Variants in OTOF observed in about 807,000 individuals in gnomAD.
OTOF encodes the protein fer-1-like family member 2.
In OTOF, 218 loss-of-function variants were observed where a neutral mutation model predicts 236.8. The ratio of observed to expected loss-of-function variants is 0.92; its 90% CI spans 0.82 to 1.03. The LOEUF is 1.03. OTOF is among the 50% of genes least tolerant of loss of function. The probability of loss-of-function intolerance (pLI) is 0.00; values close to 1 mark genes in which losing one functional copy is unlikely to be tolerated. For synonymous variants in OTOF, 1,041 were observed against 1,072.5 expected, an observed-to-expected ratio of 0.97 and a Z score of 0.57; for missense variants, 2,590 against 2,694.4, an observed-to-expected ratio of 0.96 and a Z score of 0.86.
chr2:26,487,697 G>A (rs139119709), intron 11 of OTOF, among the ~76,000 whole-genome samples: 2 of 152,114 alleles, frequency 1.3e-5, no homozygotes, highest in East Asian at 1.9e-4. Flanking sequence ...CTTGGCTCTC[G>A]GCCTCAGGCC....
rs568322823 is a variant in OTOF at position 26,540,059 on chromosome 2, A to G, written c.80-2285T>C. On this transcript the variant is annotated intron_variant, in intron 1 of 46. Transcript: ENST00000272371. The stretch of plus-strand genomic sequence containing the variant: ...AATGATTCTCGTGCCTCAGCCTCCC[A>G]AGTAGTTGGGATTACAGGCATGCGC... Among the ~76,000 whole-genome samples the G allele has an allele frequency of 1.3e-4, 20 of 152,160 alleles. No homozygotes were observed. The South Asian group carries it at 4.2e-3, about 32-fold the overall frequency.
chr2:26,472,796 G>T, intron 29 of OTOF, 147 bp from the exon 30 acceptor site: 1 of 841,248 alleles, frequency 1.2e-6, no homozygotes, highest in Non-Finnish European at 1.9e-6. Context: ...AGAAAATATG[G>T]GCATGGGGAG....
chr2:26,515,720 A>C (rs1185268076), intron 5 of OTOF, among the ~76,000 whole-genome samples: 1 of 152,142 alleles, frequency 6.6e-6, no homozygotes, highest in Non-Finnish European at 1.5e-5. Context: ...CATAATTCCT[A>C]GTGACTTAGG....
chr2:26,505,316 A>G (rs1023643557), intron 5 of OTOF, among the ~76,000 whole-genome samples: 1 of 152,280 alleles, frequency 6.6e-6, no homozygotes, highest in Non-Finnish European at 1.5e-5. Flanking sequence ...AAATACGACA[A>G]TGAGAAGAAA....
Position 26,476,115 on chromosome 2 carries a change from G to A in OTOF, c.2866+13C>T. 4 of 1,611,026 alleles carry A rather than the reference G, an allele frequency of 2.5e-6. No homozygotes were observed. Among genetic ancestry groups the A allele is most frequent in the Non-Finnish European group, 3.4e-6 (4 of 1,179,220 alleles). On this transcript the variant is annotated intron_variant, in intron 23 of 46. Transcript: ENST00000272371. Reference sequence around the variant, plus strand: ...CTCCCAGGTGAGGCTTCGAGTGAGGGGTCCTCACTCACTGGTGTAGACCAG... The same window carrying A: ...CTCCCAGGTGAGGCTTCGAGTGAGGAGTCCTCACTCACTGGTGTAGACCAG...
intron 1 of OTOF, among the ~76,000 whole-genome samples, chr2:26,551,190 A>G (rs944148769): frequency 7.9e-5 from 12 of 152,272 alleles, no homozygotes; most frequent in African/African-American, 2.6e-4. Flanking sequence ...TGGTTTCACC[A>G]TGTTGGCCAG....
rs1217155691 is a variant in OTOF at position 26,479,458 on chromosome 2, G to A, written c.2093+15C>T. 1 of 1,603,154 alleles carries A rather than the reference G, an allele frequency of 6.2e-7. No homozygotes were observed. The highest frequency in any genetic ancestry group is 8.5e-7 in the Non-Finnish European group (1 of 1,175,776). ...GGGAGGGCCAGGCCACAGGAGGATGGGAGGCTGGGCCCACCTGTCGGTGAC... is the reference window on the plus strand; with the variant it reads ...GGGAGGGCCAGGCCACAGGAGGATGAGAGGCTGGGCCCACCTGTCGGTGAC... On this transcript the variant is annotated intron_variant, in intron 17 of 46. Transcript: ENST00000272371.
chr2:26,501,971 C>T (rs1235553670), intron 7 of OTOF, among the ~76,000 whole-genome samples, 163 bp from the exon 8 acceptor site: 2 of 152,084 alleles, frequency 1.3e-5, no homozygotes, highest in Non-Finnish European at 2.9e-5. Context: ...TCTTCAGAGG[C>T]CTCAACACAG....
At chr2:26,493,810 G>A (rs1267010143) in intron 9 of OTOF, among the ~76,000 whole-genome samples, 1 of 152,180 alleles carries the variant, frequency 6.6e-6, no homozygotes, top group East Asian at 1.9e-4. Flanking sequence ...AGGGAAGATT[G>A]TAACCCCATA....
At position 26,477,920 on chromosome 2, in the gene OTOF, T is replaced by C; in HGVS notation, c.2215-171A>G. On this transcript the variant is annotated intron_variant, in intron 18 of 46. Transcript: ENST00000272371. The surrounding 1 kb of genome is among the most constrained non-coding windows in gnomAD (Gnocchi z 4.7). ...AGGAAGTCATCAATTTCCCAGGTTC[T>C]GTTCTCAGAACCTGGAGATGTTGGT... 2 of 1,515,670 alleles carry C rather than the reference T, an allele frequency of 1.3e-6. No homozygotes were observed. The highest frequency in any genetic ancestry group is 1.8e-6 in the Non-Finnish European group (2 of 1,131,704). The allele number at this position is 1,515,670 out of a possible 1,614,324, so 93.9% of individuals were successfully genotyped here.
At chr2:26,499,427 G>A (rs1213386672) in intron 8 of OTOF, among the ~76,000 whole-genome samples, 1 of 152,150 alleles carries the variant, frequency 6.6e-6, no homozygotes, top group East Asian at 1.9e-4. Flanking sequence ...CCTTCCTGCG[G>A]TCTTTATATC....
At chr2:26,487,399 T>C (rs1665726728) in intron 11 of OTOF, among the ~76,000 whole-genome samples, 1 of 152,110 alleles carries the variant, frequency 6.6e-6, no homozygotes, top group Admixed American at 6.5e-5. Flanking sequence ...AATCTCGAGC[T>C]AGGTTACCCA....
chr2:26,469,157 A>G (rs913379337), intron 32 of OTOF, among the ~76,000 whole-genome samples: 3 of 152,240 alleles, frequency 2.0e-5, no homozygotes, highest in African/African-American at 7.2e-5. Context: ...AAATTGTTTT[A>G]ATGTACAAAA....
chr2:26,476,444 T>G, intron 22 of OTOF, 127 bp from the exon 23 acceptor site: 1 of 858,028 alleles, frequency 1.2e-6, no homozygotes, highest in African/African-American at 1.7e-5. Flanking sequence ...CCCGCTGGGC[T>G]GGGGTCCGGT....
Position 26,530,873 on chromosome 2 carries a change from G to T in OTOF, c.139-2953C>A, listed in dbSNP as rs548053969. Among the ~76,000 whole-genome samples the T allele has an allele frequency of 5.9e-5, 9 of 152,304 alleles. No homozygotes were observed. In the South Asian group the frequency reaches 1.9e-3, roughly 32 times the overall value. On this transcript the variant is annotated intron_variant, in intron 2 of 46. Transcript: ENST00000272371. ...ACCTCTAGGTGGGGTCCTGGCATCAGTGTGGGGCCTCGGAGGGTGACGGGC... is the reference window on the plus strand; with the variant it reads ...ACCTCTAGGTGGGGTCCTGGCATCATTGTGGGGCCTCGGAGGGTGACGGGC...
intron 8 of OTOF, among the ~76,000 whole-genome samples, chr2:26,497,089 C>CTTTTTTTTT (rs201349303): frequency 1.1e-4 from 11 of 97,756 alleles, no homozygotes; most frequent in African/African-American, 2.4e-4. Flanking sequence ...GTACATTCTT[C>CTTTTTTTTT]TTTTTTTTTT....
intron 8 of OTOF, among the ~76,000 whole-genome samples, chr2:26,501,197 A>C (rs1383124362): frequency 6.6e-6 from 1 of 152,166 alleles, no homozygotes; most frequent in African/African-American, 2.4e-5. Flanking sequence ...ACAGCTGTCA[A>C]CCTCTCTTTG....
chr2:26,493,772 A>C (rs750072154), intron 9 of OTOF, among the ~76,000 whole-genome samples: 1 of 152,148 alleles, frequency 6.6e-6, no homozygotes, highest in Non-Finnish European at 1.5e-5. Context: ...TAACCTTGTA[A>C]GGGGGAAAAT....
chr2:26,548,523 T>C (rs1263636407), intron 1 of OTOF, among the ~76,000 whole-genome samples: 1 of 152,204 alleles, frequency 6.6e-6, no homozygotes, highest in East Asian at 1.9e-4. Flanking sequence ...ACAAATCTCC[T>C]CTCTGTATGG....
Sources: allele counts gnomAD v4.1 joint callset (sites outside exome capture counted in the v4.1 genomes callset), GRCh38; gene constraint gnomAD v4.1.1; non-coding constraint Gnocchi (gnomAD v3.1); transcripts MANE v1.5; gene names NCBI Gene and HGNC (gene_info 2026-07-23, HGNC 2026-07-21).